ZNF678: variants seen among roughly 807,000 people sequenced by gnomAD.
ZNF678 encodes the protein hypothetical protein MGC42493.
In ZNF678, 5 loss-of-function variants were observed where a neutral mutation model predicts 3.0. The ratio of observed to expected loss-of-function variants is 1.69; its 90% CI spans 0.88 to 3.56. The LOEUF is 3.56. Ranked by LOEUF, ZNF678 falls within the 30% of genes most tolerant of loss-of-function variation. The pLI, the probability that ZNF678 is intolerant of heterozygous loss-of-function variation, is 0.00. For synonymous variants in ZNF678, 218 were observed against 199.6 expected (o/e 1.09, Z -0.78); for missense variants, 593 against 605.0 (o/e 0.98, Z 0.21).
intron 1 of ZNF678, among the ~76,000 whole-genome samples, chr1:227,602,869 A>C (rs12408514): frequency 0.2 from 29,720 of 152,170 alleles, 3,065 homozygotes; most frequent in East Asian, 0.25. Context: ...AGTTGCATGT[A>C]CCTGTAATTC....
intron 1 of ZNF678, among the ~76,000 whole-genome samples, chr1:227,572,121 A>C (rs1312075056): frequency 6.6e-6 from 1 of 152,264 alleles, no homozygotes; most frequent in African/African-American, 2.4e-5. Flanking sequence ...AACTATGCTC[A>C]TATTTGTTTG....
At chr1:227,676,528 TA>T (rs1279694392) in intron 5 of ZNF678, among the ~76,000 whole-genome samples, 3 of 152,160 alleles carry the variant, frequency 2.0e-5, no homozygotes, top group Non-Finnish European at 4.4e-5. Flanking sequence ...TTTTTAATTT[TA>T]TTATTATTAT....
At chr1:227,613,867 A>G (rs1037571061) in intron 1 of ZNF678, among the ~76,000 whole-genome samples, 1 of 152,216 alleles carries the variant, frequency 6.6e-6, no homozygotes, top group African/African-American at 2.4e-5. Context: ...CTCTGGTGCC[A>G]ACAAGTACTG....
chr1:227,676,507 T>A (rs896978745), intron 5 of ZNF678, among the ~76,000 whole-genome samples: 2 of 152,170 alleles, frequency 1.3e-5, no homozygotes, highest in African/African-American at 4.8e-5. Flanking sequence ...TTTTTATTTC[T>A]TACTATAATT....
At chr1:227,599,034 A>G (rs1657666159) in intron 1 of ZNF678, 1 of 1,555,786 alleles carries the variant, frequency 6.4e-7, no homozygotes, top group Non-Finnish European at 8.8e-7. Flanking sequence ...ACTTCTTCCC[A>G]GGTAGGCCTT....
At chr1:227,564,890 C>T (rs769764677) in intron 1 of ZNF678, among the ~76,000 whole-genome samples, 2 of 151,840 alleles carry the variant, frequency 1.3e-5, no homozygotes, top group Admixed American at 1.3e-4. Context: ...CGCCACCACC[C>T]CCGGCTAATT....
At chr1:227,599,004 C>T (rs1282050085) in intron 1 of ZNF678, 8 of 1,355,308 alleles carry the variant, frequency 5.9e-6, no homozygotes, top group Admixed American at 1.7e-5. Flanking sequence ...TTTCTTTTCT[C>T]CTCTTCTAGT....
At chr1:227,675,032 TATGAC>T (rs1392962366) in intron 5 of ZNF678, among the ~76,000 whole-genome samples, 1 of 152,242 alleles carries the variant, frequency 6.6e-6, no homozygotes, top group East Asian at 1.9e-4. Context: ...ATGTTGAACT[TATGAC>T]ATTCATTTGA....
chr1:227,580,486 AT>A (rs1356815801), intron 1 of ZNF678, among the ~76,000 whole-genome samples: 2 of 152,132 alleles, frequency 1.3e-5, no homozygotes, highest in African/African-American at 4.8e-5. Context: ...TACACAGTGA[AT>A]TTTTGTTTTC....
intron 1 of ZNF678, among the ~76,000 whole-genome samples, chr1:227,565,792 C>T (rs956057037): frequency 1.3e-5 from 2 of 152,160 alleles, no homozygotes; most frequent in African/African-American, 2.4e-5. Context: ...CGGAGTCTCG[C>T]TCTGTCGCCC....
Position 227,658,697 on chromosome 1 carries a change from T to A in ZNF678, c.*2869T>A, listed in dbSNP as rs1302694641. 6.6e-6 allele frequency: 1 copy of A among 152,068 alleles called. No homozygotes were observed. Among genetic ancestry groups the A allele is most frequent in the Non-Finnish European group, 1.5e-5 (1 of 67,950 alleles). 9.4% of individuals were successfully genotyped at this position (152,068 alleles called of 1,614,324 possible). ...TTTTAATATAGTGAAAAATTGGATTTAACTGGAGAGTTTGAGGACATTTTT... is the reference window on the plus strand; with the variant it reads ...TTTTAATATAGTGAAAAATTGGATTAAACTGGAGAGTTTGAGGACATTTTT... On this transcript the variant is annotated 3_prime_UTR_variant, in exon 4 of 4. Coordinates refer to ENST00000343776, the MANE Select transcript of ZNF678 (RefSeq NM_001367909.1).
chr1:227,606,191 A>G (rs1232537400), intron 1 of ZNF678, among the ~76,000 whole-genome samples: 2 of 152,190 alleles, frequency 1.3e-5, no homozygotes, highest in African/African-American at 4.8e-5. Context: ...GAGTTCCCTC[A>G]GTATTTATTG....
chr1:227,631,477 T>A (rs1441020725), intron 1 of ZNF678, among the ~76,000 whole-genome samples: 1 of 152,198 alleles, frequency 6.6e-6, no homozygotes, highest in Non-Finnish European at 1.5e-5. Flanking sequence ...TCAAGGTGCA[T>A]TCCCATAAAC....
At chr1:227,644,857 T>G (rs776308484) in intron 1 of ZNF678, among the ~76,000 whole-genome samples, 2 of 152,174 alleles carry the variant, frequency 1.3e-5, no homozygotes, top group African/African-American at 2.4e-5. Flanking sequence ...ACATCGGTGT[T>G]GTTTTAGTTT....
chr1:227,607,436 A>G (rs1164565611), intron 1 of ZNF678, among the ~76,000 whole-genome samples: 1 of 152,120 alleles, frequency 6.6e-6, no homozygotes, highest in African/African-American at 2.4e-5. Flanking sequence ...ATGTCATTTG[A>G]CTTTAAGTTT....
chr1:227,640,043 G>T lies in ZNF678; in HGVS notation c.-163-6501G>T, dbSNP rs573891921. On this transcript the variant is annotated intron_variant, in intron 1 of 3. Transcript: ENST00000343776. ...GCACAGGTGCTGAAATAAGGGTGGG[G>T]CATGGGCCAAAGATGGTGCCTGAGC... 2.0e-5 allele frequency among the ~76,000 whole-genome samples: 3 copies of T among 152,324 alleles called. No individual in the cohort carries two copies. In the South Asian group the frequency reaches 6.2e-4, roughly 32 times the overall value.
At chr1:227,679,229 C>A (rs908927986), downstream of ZNF678, among the ~76,000 whole-genome samples, 1 of 151,798 alleles carries the variant, frequency 6.6e-6, no homozygotes, top group Non-Finnish European at 1.5e-5. Flanking sequence ...TAGAAAAGGG[C>A]AAAGTTATAT....
intron 1 of ZNF678, among the ~76,000 whole-genome samples, chr1:227,615,066 A>G (rs979471023): frequency 2.0e-5 from 3 of 152,362 alleles, no homozygotes; most frequent in South Asian, 4.1e-4. Flanking sequence ...AAACGGAACT[A>G]TAGTACAGAA....
chr1:227,641,874 G>T (rs1658830238), intron 1 of ZNF678, among the ~76,000 whole-genome samples: 1 of 152,140 alleles, frequency 6.6e-6, no homozygotes, highest in South Asian at 2.1e-4. Flanking sequence ...GAAACAACTG[G>T]GCTCACATCT....
Sources: allele counts gnomAD v4.1 joint callset (sites outside exome capture counted in the v4.1 genomes callset), GRCh38; gene constraint gnomAD v4.1.1; transcripts MANE v1.5; gene names NCBI Gene and HGNC (gene_info 2026-07-23, HGNC 2026-07-21).